Variants in DCAF8L2 observed in about 807,000 individuals in gnomAD.
DCAF8L2 encodes the protein DDB1- and CUL4-associated factor 8-like protein 2.
For missense variants in DCAF8L2, 430 were observed against 490.7 expected (o/e 0.88, Z 1.17); for synonymous variants, 200 against 190.9 (o/e 1.05, Z -0.39).
At chrX:27,722,165 A>G (rs1337464194) in intron 4 of DCAF8L2, among the ~76,000 whole-genome samples, 1 of 112,104 alleles carries the variant, frequency 8.9e-6, no homozygotes, top group Non-Finnish European at 1.9e-5. Context: ...ATCTCTAACA[A>G]TGTTGAAAAG....
intron 1 of DCAF8L2, among the ~76,000 whole-genome samples, chrX:27,614,321 T>C (rs918466548): frequency 3.6e-5 from 4 of 111,315 alleles, no homozygotes; most frequent in African/African-American, 1.3e-4. Flanking sequence ...TTTTTTATTG[T>C]GTCTATTTGA....
chrX:27,608,421 A>T (rs1427211994), intron 1 of DCAF8L2, among the ~76,000 whole-genome samples: 1 of 112,100 alleles, frequency 8.9e-6, no homozygotes, highest in Non-Finnish European at 1.9e-5. Context: ...TAAAATATTT[A>T]TACTGGTAAA....
chrX:27,539,417 A>G, the DCAF8L2 span, among the ~76,000 whole-genome samples: 3 of 111,211 alleles, frequency 2.7e-5, no homozygotes, highest in Admixed American at 1.9e-4. Context: ...CAGAGAGAAA[A>G]TAAAATACAA....
rs1022379635 is a variant in DCAF8L2, at chrX:27,687,401, G to T, written c.-143+9489G>T. 3.6e-4 allele frequency among the ~76,000 whole-genome samples: 40 copies of T among 111,793 alleles called. 1 individual carries two copies. The highest frequency in any genetic ancestry group is 1.1e-4 in the Non-Finnish European group (6 of 53,186). On this transcript the variant is annotated intron_variant, in intron 3 of 4. Coordinates refer to ENST00000451261, the MANE Select transcript of DCAF8L2 (RefSeq NM_001353450.2). ...ACAGATATTCAAAACTTCAAAATAA[G>T]GTAGCAAGAGAAACTAATATCAACA...
intron 3 of DCAF8L2, among the ~76,000 whole-genome samples, chrX:27,693,171 A>T (rs1930772376): frequency 9.0e-6 from 1 of 111,234 alleles, no homozygotes; most frequent in African/African-American, 3.3e-5. Context: ...ATTTGAAAGG[A>T]TATTTTTGAA....
the DCAF8L2 span, among the ~76,000 whole-genome samples, chrX:27,471,393 T>C: frequency 9.0e-6 from 1 of 111,159 alleles, no homozygotes; most frequent in Non-Finnish European, 1.9e-5. Flanking sequence ...AGAGCTTGCA[T>C]ACTACTTTCT....
chrX:27,557,213 A>G, the DCAF8L2 span, among the ~76,000 whole-genome samples: 1 of 112,380 alleles, frequency 8.9e-6, no homozygotes, highest in East Asian at 2.8e-4. Context: ...ATCAGTTTGA[A>G]TGATCAAAAT....
chrX:27,727,533 A>G (rs1057162758), intron 4 of DCAF8L2, among the ~76,000 whole-genome samples: 3 of 111,643 alleles, frequency 2.7e-5, no homozygotes, highest in Non-Finnish European at 3.8e-5. Flanking sequence ...TCTCTGTATC[A>G]ACAGCACACT....
the DCAF8L2 span, among the ~76,000 whole-genome samples, chrX:27,565,870 T>C: frequency 9.1e-6 from 1 of 110,457 alleles, no homozygotes. Context: ...GGCCGGGGGA[T>C]CTCTTTGCAT....
intron 1 of DCAF8L2, among the ~76,000 whole-genome samples, chrX:27,621,982 A>G (rs764878526): frequency 1.8e-5 from 2 of 109,604 alleles, no homozygotes; most frequent in East Asian, 2.9e-4. Flanking sequence ...ATAGAGTAAG[A>G]CCTTATCTCA....
At chrX:27,651,587 G>A (rs1200980025) in intron 2 of DCAF8L2, among the ~76,000 whole-genome samples, 1 of 96,903 alleles carries the variant, frequency 1.0e-5, no homozygotes, top group African/African-American at 4.0e-5. Context: ...TCGGCTCACT[G>A]CAAGCTGCAC....
At chrX:27,568,462 T>G in the DCAF8L2 span, among the ~76,000 whole-genome samples, 1 of 111,881 alleles carries the variant, frequency 8.9e-6, no homozygotes, top group Admixed American at 9.5e-5. Flanking sequence ...TTATCTAAAT[T>G]AGTAAGTCAT....
At chrX:27,629,215 T>C (rs1471114371) in intron 1 of DCAF8L2, among the ~76,000 whole-genome samples, 1 of 111,409 alleles carries the variant, frequency 9.0e-6, no homozygotes, top group Non-Finnish European at 1.9e-5. Flanking sequence ...TAGATTGATG[T>C]GGGCCCACTT....
the DCAF8L2 span, among the ~76,000 whole-genome samples, chrX:27,514,694 A>AAC: frequency 1.3e-5 from 1 of 75,925 alleles, no homozygotes; most frequent in East Asian, 4.8e-4. Context: ...AAAAAAAAAA[A>AAC]ACAAAAAAAA....
At chrX:27,663,554 C>CA (rs1929630240) in intron 2 of DCAF8L2, among the ~76,000 whole-genome samples, 1 of 111,056 alleles carries the variant, frequency 9.0e-6, no homozygotes, top group African/African-American at 3.3e-5. Flanking sequence ...TATAAGACAC[C>CA]AAACTTAATA....
At chrX:27,499,895 G>A in the DCAF8L2 span, among the ~76,000 whole-genome samples, 1 of 111,335 alleles carries the variant, frequency 9.0e-6, no homozygotes. Context: ...CTTTGCAAAT[G>A]TTTTCTCACA....
At chrX:27,720,347 T>G (rs1931851007) in intron 4 of DCAF8L2, among the ~76,000 whole-genome samples, 1 of 111,333 alleles carries the variant, frequency 9.0e-6, no homozygotes, top group African/African-American at 3.3e-5. Context: ...CAAAGCTATT[T>G]CAGCTATTGT....
chrX:27,618,910 A>T (rs1425452999), intron 1 of DCAF8L2, among the ~76,000 whole-genome samples: 1 of 110,902 alleles, frequency 9.0e-6, no homozygotes, highest in Non-Finnish European at 1.9e-5. Flanking sequence ...AGACTATGCA[A>T]AATGTATGGC....
chrX:27,694,890 C>A (rs916751656), intron 3 of DCAF8L2, among the ~76,000 whole-genome samples: 7 of 111,939 alleles, frequency 6.3e-5, no homozygotes, highest in African/African-American at 2.3e-4. Flanking sequence ...GCACTTGAAA[C>A]GTAAACATGC....
Sources: allele counts gnomAD v4.1 joint callset (sites outside exome capture counted in the v4.1 genomes callset), GRCh38; gene constraint gnomAD v4.1.1; transcripts MANE v1.5; gene names NCBI Gene and HGNC (gene_info 2026-07-23, HGNC 2026-07-21).